PCNT: variants seen among roughly 807,000 people sequenced by gnomAD.
PCNT encodes the protein kendrin.
Under a neutral mutation model 380.4 loss-of-function variants are expected in PCNT, and 319 were observed. The ratio of observed to expected loss-of-function variants is 0.84; its 90% CI spans 0.77 to 0.92. The LOEUF (loss-of-function observed/expected upper bound fraction) is 0.92. Ranked by LOEUF, PCNT falls within the 40% of genes least tolerant of loss-of-function variation. The probability of loss-of-function intolerance (pLI) is 0.00; values close to 1 mark genes in which losing one functional copy is unlikely to be tolerated. For synonymous variants in PCNT, 1,845 were observed against 1,735.2 expected, an observed-to-expected ratio of 1.06 and a Z score of -1.57; for missense variants, 4,400 against 4,255.3, an observed-to-expected ratio of 1.03 and a Z score of -0.95.
intron 18 of PCNT, 30 bp from the exon 19 acceptor site, chr21:46,389,169 C>A: frequency 6.3e-7 from 1 of 1,597,670 alleles, no homozygotes; most frequent in South Asian, 1.1e-5. Context: ...CTCACTGAGC[C>A]GCGTGTGCCG....
At chr21:46,420,227 G>A (rs1347975765) in intron 31 of PCNT, among the ~76,000 whole-genome samples, 1 of 152,104 alleles carries the variant, frequency 6.6e-6, no homozygotes, top group African/African-American at 2.4e-5. Context: ...CTCCATTCAC[G>A]TATCCTATGA....
At chr21:46,412,372 A>G (rs967538686) in intron 28 of PCNT, among the ~76,000 whole-genome samples, 1 of 152,174 alleles carries the variant, frequency 6.6e-6, no homozygotes, top group Non-Finnish European at 1.5e-5. Flanking sequence ...TCACTATGTG[A>G]GGAGGGTCCG....
chr21:46,346,278 CGGGTGG>C, intron 4 of PCNT, 70 bp downstream of exon 4: 2 of 544,572 alleles, frequency 3.7e-6, no homozygotes, highest in Non-Finnish European at 3.5e-6. Context: ...AGTGGGCATC[CGGGTGG>C]GGGTGGGGTG....
At chr21:46,362,145 G>A (rs2084742574) in intron 13 of PCNT, among the ~76,000 whole-genome samples, 1 of 152,206 alleles carries the variant, frequency 6.6e-6, no homozygotes, top group Admixed American at 6.5e-5. Context: ...TTCAGTTCTT[G>A]TAGCTTTAGC....
chr21:46,368,016 G>T (rs913505513), intron 15 of PCNT, among the ~76,000 whole-genome samples: 1 of 152,126 alleles, frequency 6.6e-6, no homozygotes, highest in African/African-American at 2.4e-5. Flanking sequence ...TTCACCGGGC[G>T]TGGGGGCACG....
At chr21:46,426,076 T>TTA in intron 33 of PCNT, 105 bp downstream of exon 33, 22 of 841,704 alleles carry the variant, frequency 2.6e-5, no homozygotes, top group Non-Finnish European at 2.9e-5. Context: ...TTTCTTTTTT[T>TTA]TTTTTTTTTT....
At position 46,324,201 on chromosome 21, in the gene PCNT, C is replaced by T. The variant is rs538424418; in HGVS notation, c.-28C>T. On this transcript the variant is annotated 5_prime_UTR_variant, in exon 1 of 47. Coordinates refer to ENST00000359568, the MANE Select transcript of PCNT (RefSeq NM_006031.6). The stretch of plus-strand genomic sequence containing the variant: ...TGCTCTGTGTCAGCCCCGTCACCGC[C>T]GGGCGGCCCGCGCGGAGTCTGAGGG... 3 of 1,600,996 alleles carry T rather than the reference C, an allele frequency of 1.9e-6. No homozygotes were observed. The African/African-American group carries it at 4.0e-5, about 21-fold the overall frequency.
rs9983522 is a variant in PCNT, at chr21:46,431,882, G to A, written c.8418G>A (p.Ala2806=). The change falls in exon 38 of 47, where the codon GCG becomes GCA. Residue 2806 remains alanine (A), a synonymous_variant. Transcript: ENST00000359568. ...EEKSRVVDLQ[A]MLEKVQQQAL... The stretch of plus-strand genomic sequence containing the variant: ...AGTCCCGGGTGGTGGACTTGCAAGC[G>A]ATGCTTGAAAAGGTGCAGCAGCAAG... The A allele has an allele frequency of 0.13, 202,726 of 1,613,908 alleles. 13,831 individuals carry two copies. Among genetic ancestry groups the A allele is most frequent in the East Asian group, 0.22 (9,820 of 44,872 alleles).
chr21:46,435,266 G>A (rs936728884), intron 38 of PCNT, among the ~76,000 whole-genome samples: 9 of 151,990 alleles, frequency 5.9e-5, no homozygotes, highest in South Asian at 2.1e-4. Flanking sequence ...TCACTCTGTC[G>A]CCAGGCTGGA....
chr21:46,388,731 T>G lies in PCNT; in HGVS notation c.3465-11T>G. ...ACCAGCTTGCCTGATGATGGGTGTC[T>G]CCTGTCTCAGAGGGGCCCTCCAGGA... is the stretch of plus-strand genomic sequence containing the variant. On this transcript the variant is annotated splice_polypyrimidine_tract_variant and intron_variant, in intron 17 of 46. Coordinates refer to ENST00000359568, the MANE Select transcript of PCNT (RefSeq NM_006031.6). The surrounding 1 kb of genome is among the most constrained non-coding windows in gnomAD (Gnocchi z 4.2). The G allele has an allele frequency of 6.2e-7, 1 of 1,613,600 alleles. No homozygotes were observed. The highest frequency in any genetic ancestry group is 2.2e-5 in the East Asian group (1 of 44,864).
rs756261885 is a variant in PCNT, at chr21:46,357,000, G to T, written c.1963G>T (p.Val655Leu). Residue 655 changes from valine (V) to leucine (L), a missense_variant, in exon 13 of 47, where the codon GTG (valine) becomes TTG (leucine). Physicochemically the swap from Val to Leu is conservative, Grantham distance 32 (BLOSUM62 1). Coordinates refer to ENST00000359568, the MANE Select transcript of PCNT (RefSeq NM_006031.6). ...GCTTCCCTGGGTGCATCTCCAGGGT[G>T]TGCAGGACGGGGACTTGGAGGCCGA... ...QELPWVHLQG[V>L]QDGDLEADTE... 150 of 1,614,090 alleles carry T rather than the reference G, an allele frequency of 9.3e-5. No homozygotes were observed. The highest frequency in any genetic ancestry group is 4.5e-4 in the Admixed American group (27 of 60,018).
rs770890887 is a variant in PCNT at position 46,354,051 on chromosome 21, G to C, written c.1744G>C (p.Glu582Gln). 6.2e-7 allele frequency: 1 copy of C among 1,614,030 alleles called. No homozygotes were observed. Among genetic ancestry groups the C allele is most frequent in the Non-Finnish European group, 8.5e-7 (1 of 1,179,936 alleles). The change falls in exon 11 of 47, where the codon GAG (glutamate) becomes CAG (glutamine). Residue 582 changes from glutamate (E) to glutamine (Q), a missense_variant. Transcript: ENST00000359568. ...KGRKDHVDEL[E>Q]PERHKESLPR... Reference sequence around the variant, plus strand: ...AAGAAAAGATCACGTTGATGAACTCGAGCCTGAGCGACATAAGGTAATTGG... The same window carrying C: ...AAGAAAAGATCACGTTGATGAACTCCAGCCTGAGCGACATAAGGTAATTGG...
At chr21:46,364,056 G>GGTC in intron 14 of PCNT, 122 bp downstream of exon 14, 1 of 858,016 alleles carries the variant, frequency 1.2e-6, no homozygotes, top group Non-Finnish European at 1.9e-6. Flanking sequence ...TCTGGAGGGA[G>GGTC]CTGGAACAAG....
At position 46,366,944 on chromosome 21, in the gene PCNT, A is replaced by G; in HGVS notation, c.2970A>G (p.Leu990=). 1.2e-6 allele frequency: 2 copies of G among 1,614,260 alleles called. No homozygotes were observed. The highest frequency in any genetic ancestry group is 1.3e-5 in the African/African-American group (1 of 75,084). The part of the protein sequence containing the change: ...QTIREEHRQA[L]ELLRADFEEQ... ...TCCGTGAGGAGCACAGGCAGGCCCT[A>G]GAGCTCTTACGAGCAGACTTTGAGG... Residue 990 remains leucine (L), a synonymous_variant, in exon 15 of 47, where the codon CTA becomes CTG. Coordinates refer to ENST00000359568, the MANE Select transcript of PCNT (RefSeq NM_006031.6).
chr21:46,433,404 T>C (rs747675186), intron 38 of PCNT, among the ~76,000 whole-genome samples: 5 of 152,090 alleles, frequency 3.3e-5, no homozygotes, highest in Non-Finnish European at 7.4e-5. Context: ...AAACACTCTT[T>C]GGAATAGTCG....
At chr21:46,334,272 T>A in intron 2 of PCNT, 125 bp from the exon 3 acceptor site, 1 of 1,290,536 alleles carries the variant, frequency 7.7e-7, no homozygotes. Flanking sequence ...TCTGAACAGG[T>A]GGAAGTGAGC....
intron 21 of PCNT, among the ~76,000 whole-genome samples, chr21:46,391,988 G>T (rs1008968721): frequency 1.3e-5 from 2 of 152,234 alleles, no homozygotes; most frequent in Non-Finnish European, 2.9e-5. Context: ...TTCCAGGATG[G>T]CCGTGGCCTC....
rs369873165 is a variant in PCNT, at chr21:46,402,313, C to T, written c.4963-18C>T. ...TTAGATGACTTTTAATACTTTTCTTCTTTTGTTTTAATGAAAGGTTTTGGA... is the reference window on the plus strand; with the variant it reads ...TTAGATGACTTTTAATACTTTTCTTTTTTTGTTTTAATGAAAGGTTTTGGA... On this transcript the variant is annotated intron_variant, in intron 26 of 46. Transcript: ENST00000359568. 1 of 1,545,336 alleles carries T rather than the reference C, an allele frequency of 6.5e-7. No homozygotes were observed. The highest frequency in any genetic ancestry group is 8.9e-7 in the Non-Finnish European group (1 of 1,119,698).
rs201526605 is a variant in PCNT at position 46,443,860 on chromosome 21, C to T, written c.9751C>T (p.Pro3251Ser). 6.2e-7 allele frequency: 1 copy of T among 1,613,310 alleles called. No homozygotes were observed. ...QSPPRTRESP[P>S]TRDVPSGHTR... ...TCCACCCAGAACCAGAGAGTCCCCCCCAACCCGGGATGTACCCTCTGGCCA... is the reference window on the plus strand; with the variant it reads ...TCCACCCAGAACCAGAGAGTCCCCCTCAACCCGGGATGTACCCTCTGGCCA... Residue 3251 changes from proline to serine, a missense_variant, in exon 45 of 47, where the codon CCA (proline) becomes TCA (serine). Coordinates refer to ENST00000359568, the MANE Select transcript of PCNT (RefSeq NM_006031.6).
Sources: allele counts gnomAD v4.1 joint callset (sites outside exome capture counted in the v4.1 genomes callset), GRCh38; gene constraint gnomAD v4.1.1; non-coding constraint Gnocchi (gnomAD v3.1); transcripts MANE v1.5; gene names NCBI Gene and HGNC (gene_info 2026-07-23, HGNC 2026-07-21).